FDFT1: variants seen among roughly 807,000 people sequenced by gnomAD.
The protein encoded by FDFT1 is farnesyl-diphosphate farnesyltransferase 1.
Under a neutral mutation model 46.8 loss-of-function variants are expected in FDFT1, and 68 were observed. The observed-to-expected ratio is 1.45, with a 90% CI of 1.19 to 1.78. FDFT1 has a LOEUF of 1.78. Among genes scored for constraint, FDFT1 ranks in the 40% most tolerant of loss-of-function variants. FDFT1 has a pLI of 0.00. For missense variants in FDFT1, 928 were observed against 524.4 expected (o/e 1.77, Z -7.52); for synonymous variants, 351 against 185.1 (o/e 1.90, Z -7.28).
upstream of FDFT1, among the ~76,000 whole-genome samples, chr8:11,800,051 G>A (rs1051022423): frequency 6.7e-6 from 1 of 149,538 alleles, no homozygotes; most frequent in Admixed American, 6.7e-5. Context: ...CATGAGGTCA[G>A]GAGTTCAAGA....
intron 1 of FDFT1, 194 bp from the exon 2 acceptor site, chr8:11,808,600 G>T (rs891584752): frequency 2.9e-6 from 4 of 1,391,646 alleles, no homozygotes; most frequent in East Asian, 2.8e-5. Flanking sequence ...GCGCCCAGGG[G>T]CCCGGGCGCA....
chr8:11,828,930 C>T (rs1260997111), intron 5 of FDFT1, among the ~76,000 whole-genome samples: 9 of 151,982 alleles, frequency 5.9e-5, no homozygotes, highest in Non-Finnish European at 1.2e-4. Context: ...GGGTTCTTCC[C>T]ATTTTTTTTG....
At chr8:11,833,568 C>T (rs1188114407) in intron 7 of FDFT1, among the ~76,000 whole-genome samples, 2 of 152,124 alleles carry the variant, frequency 1.3e-5, no homozygotes, top group African/African-American at 4.8e-5. Context: ...TTGGTTTTTC[C>T]TTAACTATTG....
At chr8:11,838,154 T>C (rs533812608) in intron 7 of FDFT1, among the ~76,000 whole-genome samples, 44 of 152,348 alleles carry the variant, frequency 2.9e-4, no homozygotes, top group Middle Eastern at 3.4e-3. Context: ...GGGTGCAGTA[T>C]GCACACCTGT....
At position 11,838,453 on chromosome 8, in the gene FDFT1, C is replaced by A; in HGVS notation, c.1098C>A (p.Ile366=). 6.2e-7 allele frequency: 1 copy of A among 1,608,784 alleles called. No homozygotes were observed. Among genetic ancestry groups the A allele is most frequent in the South Asian group, 1.1e-5 (1 of 90,342 alleles). Residue 366 remains isoleucine (I), a synonymous_variant, in exon 8 of 8, where the codon ATC becomes ATA. Transcript: ENST00000220584. ...AAACAAGGCAGATCATCTCCACCAT[C>A]CGGACGCAGAATCTTCCCAACTGTC... The part of the protein sequence containing the change: ...SSKTRQIIST[I]RTQNLPNCQL...
intron 1 of FDFT1, chr8:11,803,399 C>T: frequency 7.8e-7 from 1 of 1,289,480 alleles, no homozygotes; most frequent in Non-Finnish European, 1.0e-6. Context: ...GCTCTCCCCG[C>T]CTTGCTGCCT....
At position 11,838,786 on chromosome 8, in the gene FDFT1, A is replaced by C; in HGVS notation, c.*177A>C. ...GTGAGAAGAACCTAAACATGAAAGG[A>C]AAGGGTGCCTCATCCCAGCAACCTG... is the stretch of plus-strand genomic sequence containing the variant. On this transcript the variant is annotated 3_prime_UTR_variant, in exon 8 of 8. Coordinates refer to ENST00000220584, the MANE Select transcript of FDFT1 (RefSeq NM_004462.5). 1 of 615,956 alleles carries C rather than the reference A, an allele frequency of 1.6e-6. No homozygotes were observed. Among genetic ancestry groups the C allele is most frequent in the South Asian group, 1.9e-5 (1 of 52,874 alleles). The allele number at this position is 615,956 out of a possible 1,614,324, so 38.2% of individuals were successfully genotyped here. A position where few individuals can be genotyped will look rare whatever the true frequency, so the allele number is the denominator to read the frequency against.
At chr8:11,834,263 A>G (rs1217627741) in intron 7 of FDFT1, among the ~76,000 whole-genome samples, 1 of 152,214 alleles carries the variant, frequency 6.6e-6, no homozygotes, top group African/African-American at 2.4e-5. Flanking sequence ...GCCACACTGC[A>G]GGGCCCTCAC....
chr8:11,829,951 A>C (rs1810543615), intron 5 of FDFT1, among the ~76,000 whole-genome samples: 1 of 151,762 alleles, frequency 6.6e-6, no homozygotes, highest in Non-Finnish European at 1.5e-5. Flanking sequence ...AGGTTCAAGC[A>C]ATTCTTCTGT....
chr8:11,815,236 A>G (rs745723227), intron 3 of FDFT1, among the ~76,000 whole-genome samples: 96 of 152,250 alleles, frequency 6.3e-4, no homozygotes, highest in Non-Finnish European at 9.7e-4. Context: ...TCCATGGTGT[A>G]TATGTGCCAC....
intron 2 of FDFT1, chr8:11,809,249 C>G (rs112053152): frequency 2.6e-6 from 3 of 1,150,040 alleles, no homozygotes; most frequent in Admixed American, 4.5e-5. Context: ...TTTGAAGCTG[C>G]CTCTGTGCAC....
At chr8:11,796,825 G>GA (rs750999287) in intron 1 of FDFT1, among the ~76,000 whole-genome samples, 27 of 152,354 alleles carry the variant, frequency 1.8e-4, no homozygotes, top group Admixed American at 2.6e-4. Flanking sequence ...CTTTACCCAG[G>GA]AAAGAATTCA....
chr8:11,808,771 C>A, intron 1 of FDFT1, 23 bp from the exon 2 acceptor site: 1 of 1,612,144 alleles, frequency 6.2e-7, no homozygotes, highest in Non-Finnish European at 8.5e-7. Context: ...TCTCCCACCG[C>A]CGTGTGTGTT....
intron 1 of FDFT1, among the ~76,000 whole-genome samples, chr8:11,804,977 T>C (rs1046963144): frequency 7.3e-6 from 1 of 137,138 alleles, no homozygotes; most frequent in Non-Finnish European, 1.5e-5. Context: ...GGCCTGAACA[T>C]GACTCACTCC....
chr8:11,817,186 A>T (rs562659621), intron 3 of FDFT1, among the ~76,000 whole-genome samples: 1 of 152,288 alleles, frequency 6.6e-6, no homozygotes, highest in East Asian at 1.9e-4. Flanking sequence ...TGATTTGTGT[A>T]TGTTGAACAG....
At chr8:11,809,883 G>C (rs376625138) in intron 3 of FDFT1, 33 bp downstream of exon 3, 157 of 1,553,286 alleles carry the variant, frequency 1.0e-4, no homozygotes, top group Non-Finnish European at 1.3e-4. Flanking sequence ...TCTACGGACT[G>C]TTGTGTTCAT....
chr8:11,802,916 G>A lies in FDFT1; in HGVS notation c.84G>A (p.Met28Ile), dbSNP rs1240847169. 1.2e-6 allele frequency: 2 copies of A among 1,609,466 alleles called. No homozygotes were observed. Among genetic ancestry groups the A allele is most frequent in the Admixed American group, 1.7e-5 (1 of 59,546 alleles). ...RFRIGGKRKV[M>I]PKMDQDSLSS... Reference sequence around the variant, plus strand: ...GGATCGGGGGCAAGCGGAAGGTGATGCCCAAGATGGACCAGGTGGGCCGAG... The same window carrying A: ...GGATCGGGGGCAAGCGGAAGGTGATACCCAAGATGGACCAGGTGGGCCGAG... The change falls in exon 1 of 8, where the codon ATG becomes ATA. Residue 28 changes from methionine (M) to isoleucine (I), a missense_variant. Transcript: ENST00000220584.
rs1293989998 is a variant in FDFT1, at chr8:11,808,867, T to C, written c.173T>C (p.Ile58Thr). The C allele has an allele frequency of 5.6e-6, 9 of 1,614,044 alleles. No individual in the cohort carries two copies. The highest frequency in any genetic ancestry group is 1.7e-5 in the Admixed American group (1 of 60,012). Residue 58 changes from isoleucine (I) to threonine (T), a missense_variant, in exon 2 of 8, where the codon ATC (isoleucine) becomes ACC (threonine). Physicochemically the swap from Ile to Thr is moderately conservative, Grantham distance 89. Transcript: ENST00000220584. The part of the protein sequence containing the change: ...NQTSRSFAAV[I>T]QALDGEMRNA... ...ACCAGTCGCAGTTTCGCAGCTGTTA[T>C]CCAGGCGCTGGATGGGGAAATGCGG...
chr8:11,808,743 C>CACTCCCACTCCCACTCCT (rs1563301224), intron 1 of FDFT1, 51 bp from the exon 2 acceptor site: 1 of 1,234,610 alleles, frequency 8.1e-7, no homozygotes. Flanking sequence ...CTCCCACTCC[C>CACTCCCACTCCCACTCCT]ACTCCTGCTC....
Sources: gnomAD v4.1 joint callset for allele counts (sites outside exome capture counted in the v4.1 genomes callset) on GRCh38, gnomAD v4.1.1 for gene constraint, MANE v1.5 for transcripts, NCBI Gene and HGNC (gene_info 2026-07-23, HGNC 2026-07-21) for gene names.